Variants in CDH13 observed in about 807,000 individuals in gnomAD.
The protein encoded by CDH13 is cadherin-13.
In CDH13, 24 loss-of-function variants were observed where a neutral mutation model predicts 63.8. The ratio of observed to expected loss-of-function variants is 0.38; its 90% confidence interval spans 0.27 to 0.53. CDH13 has a LOEUF of 0.53. Ranked by LOEUF, CDH13 falls within the 20% of genes least tolerant of loss-of-function variation. CDH13 has a pLI of 0.85. For synonymous variants in CDH13, 503 were observed against 355.3 expected (o/e 1.42, Z -4.67); for missense variants, 1,049 against 903.1 (o/e 1.16, Z -2.07).
chr16:83,451,960 C>T (rs2072898577), intron 6 of CDH13, among the ~76,000 whole-genome samples: 1 of 152,098 alleles, frequency 6.6e-6, no homozygotes, highest in African/African-American at 2.4e-5. Context: ...GGATTTTGCT[C>T]TTCTGTTTAA....
intron 2 of CDH13, among the ~76,000 whole-genome samples, chr16:82,937,610 A>T (rs1025080866): frequency 7.2e-5 from 11 of 152,234 alleles, no homozygotes; most frequent in African/African-American, 2.7e-4. Flanking sequence ...ATATTATTGC[A>T]AGCCAGTTGC....
chr16:82,723,228 G>A (rs549605865), intron 1 of CDH13: 1 of 152,354 alleles, frequency 6.6e-6, no homozygotes, highest in East Asian at 1.9e-4. Context: ...CCTTAAATCC[G>A]TGTATGTAGG....
chr16:82,898,952 A>C (rs1200939411), intron 2 of CDH13, among the ~76,000 whole-genome samples: 1 of 152,246 alleles, frequency 6.6e-6, no homozygotes. Context: ...TGGAAGGGGC[A>C]AAACCTTGGA....
chr16:83,489,014 G>T (rs73603859), intron 7 of CDH13, among the ~76,000 whole-genome samples: 1,838 of 152,244 alleles, frequency 0.012, 29 homozygotes, highest in African/African-American at 0.042. Context: ...CTTGACACGT[G>T]TGTGCAGGTG....
chr16:83,241,357 G>A (rs577621002), intron 5 of CDH13, among the ~76,000 whole-genome samples: 1 of 152,322 alleles, frequency 6.6e-6, no homozygotes, highest in East Asian at 1.9e-4. Context: ...CCAGGAGTGA[G>A]ATTGCTAGAT....
At chr16:83,535,309 C>T (rs1365791238) in intron 7 of CDH13, among the ~76,000 whole-genome samples, 1 of 152,158 alleles carries the variant, frequency 6.6e-6, no homozygotes, top group Non-Finnish European at 1.5e-5. Flanking sequence ...ATCCAAAGGA[C>T]AAAGAGATAC....
chr16:83,128,062 C>G (rs1334909656), intron 4 of CDH13, among the ~76,000 whole-genome samples: 1 of 152,166 alleles, frequency 6.6e-6, no homozygotes, highest in African/African-American at 2.4e-5. Context: ...AAGATGCATT[C>G]TCGTTTTTCA....
intron 1 of CDH13, among the ~76,000 whole-genome samples, chr16:82,789,702 G>A (rs766959777): frequency 6.6e-6 from 1 of 152,158 alleles, no homozygotes; most frequent in Admixed American, 6.5e-5. Flanking sequence ...TCATAAACAG[G>A]GCTGTGCTGC....
chr16:83,069,411 A>G (rs2032270352), intron 3 of CDH13, among the ~76,000 whole-genome samples: 1 of 152,180 alleles, frequency 6.6e-6, no homozygotes, highest in African/African-American at 2.4e-5. Flanking sequence ...CACCTATAGA[A>G]ACACCTACTA....
chr16:83,604,370 C>G (rs1197745225), intron 8 of CDH13, among the ~76,000 whole-genome samples: 1 of 152,154 alleles, frequency 6.6e-6, no homozygotes, highest in Non-Finnish European at 1.5e-5. Flanking sequence ...CTAATTAGTT[C>G]CAAACAATTC....
intron 1 of CDH13, among the ~76,000 whole-genome samples, chr16:82,834,259 T>C (rs1475770800): frequency 6.6e-6 from 1 of 152,196 alleles, no homozygotes; most frequent in Non-Finnish European, 1.5e-5. Context: ...AGCAGGGGCC[T>C]GCATTAGATG....
In CDH13 at chr16:83,761,708, G is replaced by A. The variant is rs189935816; in HGVS notation, c.1681+13458G>A. 4.1e-4 allele frequency among the ~76,000 whole-genome samples: 63 copies of A among 152,180 alleles called. 1 individual carries two copies. The East Asian group carries it at 9.3e-3, about 22-fold the overall frequency. On this transcript the variant is annotated intron_variant, in intron 11 of 13. Transcript: ENST00000567109. The stretch of plus-strand genomic sequence containing the variant: ...ACTATGTACAGGGAAACCTTTAGGC[G>A]GAACTTAGCATATTTAAGAAGGCAG...
chr16:82,935,880 C>T (rs1184741649), intron 2 of CDH13, among the ~76,000 whole-genome samples: 1 of 152,112 alleles, frequency 6.6e-6, no homozygotes, highest in African/African-American at 2.4e-5. Flanking sequence ...ACAGCTTCCT[C>T]TATAGAGGAA....
chr16:83,038,823 A>C lies in CDH13; in HGVS notation c.366+6605A>C, dbSNP rs568833307. Among the ~76,000 whole-genome samples, 7 of 152,306 alleles carry C rather than the reference A, an allele frequency of 4.6e-5. No homozygotes were observed. The East Asian group carries it at 1.4e-3, about 29-fold the overall frequency. On this transcript the variant is annotated intron_variant, in intron 3 of 13. Coordinates refer to ENST00000567109, the MANE Select transcript of CDH13 (RefSeq NM_001257.5). The stretch of plus-strand genomic sequence containing the variant: ...CAACGAAAACACTCACAAAGTAAAA[A>C]CACCATACTTACTCTTTCTTTCTGA...
intron 2 of CDH13, among the ~76,000 whole-genome samples, chr16:83,002,764 G>A (rs1439993532): frequency 6.6e-6 from 1 of 152,156 alleles, no homozygotes; most frequent in Non-Finnish European, 1.5e-5. Context: ...AATGTGCCGT[G>A]TAGGTATGTG....
chr16:83,719,404 G>A (rs1189682449), intron 10 of CDH13, among the ~76,000 whole-genome samples: 1 of 152,060 alleles, frequency 6.6e-6, no homozygotes, highest in African/African-American at 2.4e-5. Flanking sequence ...GGCGACATGG[G>A]GAGGTTACGC....
At chr16:82,703,755 G>T (rs2031248538) in intron 1 of CDH13, among the ~76,000 whole-genome samples, 1 of 152,084 alleles carries the variant, frequency 6.6e-6, no homozygotes, top group South Asian at 2.1e-4. Flanking sequence ...CCTTCTGGCT[G>T]CCCCCTCTGC....
At chr16:83,680,334 A>T (rs966138528) in intron 10 of CDH13, among the ~76,000 whole-genome samples, 15 of 152,286 alleles carry the variant, frequency 9.8e-5, no homozygotes, top group African/African-American at 3.6e-4. Flanking sequence ...AACCGGGATG[A>T]TGTTCCCAGA....
At chr16:83,160,613 C>A (rs11647779) in intron 4 of CDH13, among the ~76,000 whole-genome samples, 2 of 152,184 alleles carry the variant, frequency 1.3e-5, no homozygotes, top group Admixed American at 1.3e-4. Flanking sequence ...ACAGTGATAA[C>A]CACCACTAAT....
Sources: gnomAD v4.1 joint callset for allele counts (sites outside exome capture counted in the v4.1 genomes callset) on GRCh38, gnomAD v4.1.1 for gene constraint, MANE v1.5 for transcripts, NCBI Gene and HGNC (gene_info 2026-07-23, HGNC 2026-07-21) for gene names.